Variants in DNAAF11 observed in about 807,000 individuals in gnomAD.
The protein encoded by DNAAF11 is dynein axonemal assembly factor 11.
Under a neutral mutation model 60.8 loss-of-function variants are expected in DNAAF11, and 45 were observed. The ratio of observed to expected loss-of-function variants is 0.74; its 90% CI spans 0.58 to 0.95. The LOEUF (loss-of-function observed/expected upper bound fraction) is 0.95. Among genes scored for constraint, DNAAF11 ranks in the 40% least tolerant of loss-of-function variants. The pLI, the probability that DNAAF11 is intolerant of heterozygous loss-of-function variation, is 0.00. For synonymous variants in DNAAF11, 191 were observed against 183.5 expected (o/e 1.04, Z -0.33); for missense variants, 546 against 546.2 (o/e 1.00, Z 0.00).
intron 10 of DNAAF11, among the ~76,000 whole-genome samples, chr8:132,596,560 G>A (rs560932281): frequency 6.6e-5 from 10 of 152,252 alleles, no homozygotes; most frequent in African/African-American, 2.4e-4. Flanking sequence ...ATGCTGGAGA[G>A]GGTTTTGTGC....
intron 7 of DNAAF11, among the ~76,000 whole-genome samples, chr8:132,620,554 C>G: frequency 6.6e-6 from 1 of 152,192 alleles, no homozygotes; most frequent in Non-Finnish European, 1.5e-5. Context: ...AGGCTGGTCT[C>G]GAACTACTGA....
In DNAAF11 at chr8:132,578,626, C is replaced by CA. The variant is rs1815011016; in HGVS notation, c.1226+5067dup. The CA allele has an allele frequency of 4.0e-5, 26 of 648,024 alleles. 1 individual carries two copies. The South Asian group carries it at 5.5e-4, about 14-fold the overall frequency. 40.1% of individuals were successfully genotyped at this position (648,024 alleles called of 1,614,324 possible). A position where few individuals can be genotyped will look rare whatever the true frequency, so the allele number is the denominator to read the frequency against. On this transcript the variant is annotated intron_variant, in intron 11 of 11. Coordinates refer to ENST00000620350, the MANE Select transcript of DNAAF11 (RefSeq NM_012472.6). Reference sequence around the variant, plus strand: ...CACATCAGAGATTCATTCCTTTTATCAAAAAACATAAAGAAAGAACTTTTT... The same window carrying CA: ...CACATCAGAGATTCATTCCTTTTATCAAAAAAACATAAAGAAAGAACTTTTT...
chr8:132,637,893 G>C (rs776170120), intron 4 of DNAAF11, 42 bp downstream of exon 4: 10 of 1,527,364 alleles, frequency 6.5e-6, no homozygotes, highest in Non-Finnish European at 8.9e-6. Flanking sequence ...AGTTGCTCAT[G>C]CTCATTTATC....
the DNAAF11 span, among the ~76,000 whole-genome samples, chr8:132,701,390 A>G: frequency 6.6e-6 from 1 of 152,156 alleles, no homozygotes; most frequent in African/African-American, 2.4e-5. Context: ...TGTAGTCATG[A>G]GGAAAGATGG....
the DNAAF11 span, among the ~76,000 whole-genome samples, chr8:132,695,905 G>A: frequency 6.6e-6 from 1 of 152,312 alleles, no homozygotes; most frequent in East Asian, 1.9e-4. Context: ...AGCTGAATAA[G>A]AACACAAAGG....
At chr8:132,691,879 G>T in the DNAAF11 span, among the ~76,000 whole-genome samples, 1 of 152,110 alleles carries the variant, frequency 6.6e-6, no homozygotes, top group African/African-American at 2.4e-5. Flanking sequence ...ATGAACAAGG[G>T]GGATGAGTGG....
chr8:132,611,914 C>T (rs1016554621), intron 8 of DNAAF11, among the ~76,000 whole-genome samples: 1 of 152,218 alleles, frequency 6.6e-6, no homozygotes, highest in Non-Finnish European at 1.5e-5. Context: ...TTCTCCTCCA[C>T]TCATGAGCAA....
chr8:132,628,757 A>G (rs1820522668), intron 5 of DNAAF11, among the ~76,000 whole-genome samples: 1 of 152,250 alleles, frequency 6.6e-6, no homozygotes, highest in South Asian at 2.1e-4. Context: ...AGACTCAAGG[A>G]TCAGCCAGGC....
rs967922654 is a variant in DNAAF11 at position 132,615,349 on chromosome 8, T to A, written c.915-252A>T. On this transcript the variant is annotated intron_variant, in intron 7 of 11. Coordinates refer to ENST00000620350, the MANE Select transcript of DNAAF11 (RefSeq NM_012472.6). ...CTTAAGGTAAATTACACACAAAAAA[T>A]TAGCTTTAGTGCAGAGATAGAGACA... Among the ~76,000 whole-genome samples, 3 of 152,218 alleles carry A rather than the reference T, an allele frequency of 2.0e-5. No individual in the cohort carries two copies. In the South Asian group the frequency reaches 6.2e-4, roughly 31 times the overall value.
chr8:132,660,801 G>A (rs558621958), intron 2 of DNAAF11, among the ~76,000 whole-genome samples: 3 of 152,308 alleles, frequency 2.0e-5, no homozygotes, highest in African/African-American at 7.2e-5. Flanking sequence ...CACCTGGGGA[G>A]GAGAAACTTG....
rs1217032613 is a variant in DNAAF11, at chr8:132,572,347, G to A, written c.1360C>T (p.Pro454Ser). Residue 454 changes from proline to serine, a missense_variant, in exon 12 of 12, where the codon CCA (proline) becomes TCA (serine). Transcript: ENST00000620350. ...EPKIIPSEED[P>S]TFEDNPEVPP... Reference sequence around the variant, plus strand: ...ACTTCAGGGTTGTCTTCAAAGGTTGGGTCTTCCTCACTTGGTATAATTTTG... The same window carrying A: ...ACTTCAGGGTTGTCTTCAAAGGTTGAGTCTTCCTCACTTGGTATAATTTTG... 2 of 1,613,726 alleles carry A rather than the reference G, an allele frequency of 1.2e-6. No individual in the cohort carries two copies. Among genetic ancestry groups the A allele is most frequent in the Non-Finnish European group, 1.7e-6 (2 of 1,179,852 alleles).
chr8:132,644,372 C>G (rs1822152244), intron 3 of DNAAF11, among the ~76,000 whole-genome samples: 1 of 152,150 alleles, frequency 6.6e-6, no homozygotes, highest in Non-Finnish European at 1.5e-5. Flanking sequence ...GAGGAGGTTT[C>G]AAGACGGCCA....
rs555722460 is a variant in DNAAF11 at position 132,658,572 on chromosome 8, T to C, written c.179-1665A>G. Among the ~76,000 whole-genome samples the C allele has an allele frequency of 3.7e-3, 563 of 152,274 alleles. 3 individuals are homozygous for C. Among genetic ancestry groups the C allele is most frequent in the African/African-American group, 0.013 (526 of 41,552 alleles). On this transcript the variant is annotated intron_variant, in intron 2 of 11. Transcript: ENST00000620350. ...TCCTGACCTCGTGATCCAGCCGCCT[T>C]AGCCTCCCAAAGTGTTGGGATTACA...
intron 11 of DNAAF11, chr8:132,578,653 C>A (rs1815014602): frequency 1.7e-6 from 1 of 581,296 alleles, no homozygotes. Context: ...GAACTTTTTT[C>A]TGGTTTCCTA....
chr8:132,632,436 C>T (rs973779768), intron 5 of DNAAF11, among the ~76,000 whole-genome samples: 2 of 152,092 alleles, frequency 1.3e-5, no homozygotes, highest in African/African-American at 4.8e-5. Flanking sequence ...ATTCCTAGTT[C>T]GTAAATCAAA....
At chr8:132,671,020 C>A (rs146542118) in intron 1 of DNAAF11, among the ~76,000 whole-genome samples, 4 of 152,110 alleles carry the variant, frequency 2.6e-5, no homozygotes, top group African/African-American at 7.2e-5. Context: ...AGACTCTTCC[C>A]GTAAGAATCA....
At chr8:132,603,886 G>A (rs760694942) in intron 10 of DNAAF11, among the ~76,000 whole-genome samples, 1 of 152,058 alleles carries the variant, frequency 6.6e-6, no homozygotes, top group African/African-American at 2.4e-5. Flanking sequence ...TCTTTTAAAA[G>A]CAAGTGGAAA....
chr8:132,674,195 GA>G (rs1825534223), intron 1 of DNAAF11, among the ~76,000 whole-genome samples: 2 of 144,178 alleles, frequency 1.4e-5, no homozygotes, highest in South Asian at 2.2e-4. Flanking sequence ...AGGAGGAGGA[GA>G]AGGAGGAGGA....
At chr8:132,608,387 A>G in intron 10 of DNAAF11, 1 of 386,544 alleles carries the variant, frequency 2.6e-6, no homozygotes, top group South Asian at 2.0e-5. Flanking sequence ...TTCATCTCCA[A>G]TCAAGCACTT....
Sources: allele counts gnomAD v4.1 joint callset (sites outside exome capture counted in the v4.1 genomes callset), GRCh38; gene constraint gnomAD v4.1.1; transcripts MANE v1.5; gene names NCBI Gene and HGNC (gene_info 2026-07-23, HGNC 2026-07-21).